SORCS3: variants seen among roughly 807,000 people sequenced by gnomAD.
SORCS3 encodes VPS10 domain-containing receptor SorCS3.
Under a neutral mutation model 146.3 loss-of-function variants are expected in SORCS3, and 57 were observed. The observed-to-expected ratio is 0.39, with a 90% CI of 0.31 to 0.49. The LOEUF (loss-of-function observed/expected upper bound fraction) is 0.49. SORCS3 is among the 20% of genes least tolerant of loss of function. SORCS3 has a pLI of 0.92. For missense variants in SORCS3, 1,341 were observed against 1,575.5 expected, an observed-to-expected ratio of 0.85 and a Z score of 2.52; for synonymous variants, 653 against 618.5, an observed-to-expected ratio of 1.06 and a Z score of -0.83.
At chr10:104,985,969 T>C (rs1291332838) in intron 4 of SORCS3, among the ~76,000 whole-genome samples, 2 of 152,186 alleles carry the variant, frequency 1.3e-5, no homozygotes, top group African/African-American at 4.8e-5. Flanking sequence ...TTTCAAATCA[T>C]AAGTGAGCAT....
chr10:105,215,302 T>G (rs923549628), intron 18 of SORCS3, among the ~76,000 whole-genome samples: 2 of 152,234 alleles, frequency 1.3e-5, no homozygotes, highest in Non-Finnish European at 2.9e-5. Flanking sequence ...CACTCTTTGC[T>G]GAGTGGTAGA....
intron 1 of SORCS3, among the ~76,000 whole-genome samples, chr10:104,656,144 A>G (rs902607199): frequency 1.3e-5 from 2 of 152,098 alleles, no homozygotes; most frequent in African/African-American, 4.8e-5. Context: ...GATGCAGATG[A>G]GTGGAGATTG....
At chr10:105,226,269 A>T (rs1383916573) in intron 20 of SORCS3, among the ~76,000 whole-genome samples, 1 of 151,910 alleles carries the variant, frequency 6.6e-6, no homozygotes, top group Non-Finnish European at 1.5e-5. Flanking sequence ...ATCATTAACG[A>T]TGTTAATTTC....
chr10:104,941,301 G>T (rs1198772187), intron 3 of SORCS3, among the ~76,000 whole-genome samples: 2 of 152,076 alleles, frequency 1.3e-5, no homozygotes, highest in Non-Finnish European at 2.9e-5. Flanking sequence ...ATTTTACTCA[G>T]CCCCTATTCA....
intron 14 of SORCS3, among the ~76,000 whole-genome samples, chr10:105,184,444 G>A (rs1301072600): frequency 3.3e-5 from 5 of 152,158 alleles, no homozygotes; most frequent in Non-Finnish European, 2.9e-5. Context: ...GACATGGCCC[G>A]TGGGTTGTAG....
At chr10:105,093,038 A>G (rs1293523516) in intron 6 of SORCS3, among the ~76,000 whole-genome samples, 1 of 152,222 alleles carries the variant, frequency 6.6e-6, no homozygotes, top group Non-Finnish European at 1.5e-5. Flanking sequence ...AAAACTTGTT[A>G]TTCTCATTGA....
chr10:105,158,781 C>A, intron 10 of SORCS3, 111 bp from the exon 11 acceptor site: 1 of 776,060 alleles, frequency 1.3e-6, no homozygotes, highest in Non-Finnish European at 2.2e-6. Flanking sequence ...ACTCACCATC[C>A]AATGCCTTGC....
At chr10:104,678,647 C>T (rs12414370) in intron 1 of SORCS3, among the ~76,000 whole-genome samples, 15,843 of 152,180 alleles carry the variant, frequency 0.1, 892 homozygotes, top group Admixed American at 0.14. Context: ...GGGCAGGGAC[C>T]ACATCTGTCC....
chr10:104,915,771 T>A (rs989462878), intron 2 of SORCS3, 62 bp from the exon 3 acceptor site: 41 of 1,434,266 alleles, frequency 2.9e-5, no homozygotes, highest in Non-Finnish European at 3.9e-5. Flanking sequence ...TGGCTTCCCT[T>A]TAGACATAGC....
At chr10:104,714,312 A>G (rs888541648) in intron 1 of SORCS3, among the ~76,000 whole-genome samples, 16 of 151,356 alleles carry the variant, frequency 1.1e-4, no homozygotes, top group African/African-American at 3.9e-4. Flanking sequence ...TTAAATTACT[A>G]TTTTTCCTCT....
chr10:105,123,263 C>A (rs902886074), intron 7 of SORCS3, among the ~76,000 whole-genome samples: 1 of 152,202 alleles, frequency 6.6e-6, no homozygotes, highest in African/African-American at 2.4e-5. Flanking sequence ...AAGCAGCGGA[C>A]TGTATGACAC....
chr10:105,169,609 C>T (rs1366826486), intron 13 of SORCS3, among the ~76,000 whole-genome samples: 8 of 151,964 alleles, frequency 5.3e-5, no homozygotes, highest in Non-Finnish European at 1.2e-4. Flanking sequence ...TTGATTGAGA[C>T]CAAAAATGTA....
chr10:104,925,979 G>A (rs1589551818), intron 3 of SORCS3, among the ~76,000 whole-genome samples: 1 of 152,336 alleles, frequency 6.6e-6, no homozygotes, highest in South Asian at 2.1e-4. Flanking sequence ...ATGAGCTACA[G>A]AAACAGAAAG....
chr10:105,063,434 A>G (rs1272086113), intron 5 of SORCS3, among the ~76,000 whole-genome samples: 2 of 152,216 alleles, frequency 1.3e-5, no homozygotes, highest in African/African-American at 4.8e-5. Context: ...TGTTGTGCTG[A>G]TGTTACTAAT....
chr10:105,042,123 T>C (rs1264740725), intron 4 of SORCS3, among the ~76,000 whole-genome samples: 1 of 152,196 alleles, frequency 6.6e-6, no homozygotes, highest in African/African-American at 2.4e-5. Context: ...GACTAAGGCA[T>C]GATCCCTGCC....
At chr10:104,946,485 G>A (rs1375288891) in intron 3 of SORCS3, among the ~76,000 whole-genome samples, 7 of 152,124 alleles carry the variant, frequency 4.6e-5, no homozygotes, top group African/African-American at 1.4e-4. Flanking sequence ...AAAATTGTTC[G>A]ATAAGCACTT....
intron 5 of SORCS3, among the ~76,000 whole-genome samples, chr10:105,049,630 A>G (rs887368118): frequency 1.3e-5 from 2 of 152,138 alleles, no homozygotes; most frequent in South Asian, 2.1e-4. Flanking sequence ...ATATCAAAAT[A>G]TACACATTTT....
intron 1 of SORCS3, among the ~76,000 whole-genome samples, chr10:104,787,345 A>T (rs2017450658): frequency 6.6e-6 from 1 of 152,148 alleles, no homozygotes; most frequent in Admixed American, 6.5e-5. Flanking sequence ...AGGGCATAAT[A>T]ATAATTTTGC....
rs55738895 is a variant in SORCS3 at position 105,022,297 on chromosome 10, CT to C, written c.955-20742del. On this transcript the variant is annotated intron_variant, in intron 4 of 26. Coordinates refer to ENST00000369701, the MANE Select transcript of SORCS3 (RefSeq NM_014978.3). The stretch of plus-strand genomic sequence containing the variant: ...TTTACTTTCCATTCATTTTTCTTTT[CT>C]TTTTTTTTTTTTTTTCGAGACGGAG... 3.8e-3 allele frequency among the ~76,000 whole-genome samples: 498 copies of C among 130,026 alleles called. 2 individuals carry two copies. Among genetic ancestry groups the C allele is most frequent in the African/African-American group, 0.011 (398 of 34,960 alleles). The allele number at this position is 130,026 out of a possible 152,430, so 85.3% of individuals were successfully genotyped here.
Sources: gnomAD v4.1 joint callset for allele counts (sites outside exome capture counted in the v4.1 genomes callset) on GRCh38, gnomAD v4.1.1 for gene constraint, MANE v1.5 for transcripts, NCBI Gene and HGNC (gene_info 2026-07-23, HGNC 2026-07-21) for gene names.